Variants in MED13L observed in about 807,000 individuals in gnomAD.
MED13L encodes the protein mediator complex subunit 13L.
MED13L carries 7 observed loss-of-function variants against 220.9 expected under a neutral mutation model. The ratio of observed to expected loss-of-function variants is 0.03; its 90% CI spans 0.02 to 0.06. The LOEUF (loss-of-function observed/expected upper bound fraction) is 0.06, where lower values mean the gene tolerates loss of function less well. Among genes scored for constraint, MED13L ranks in the 10% least tolerant of loss-of-function variants. The pLI is 1.00. For missense variants in MED13L, 1,965 were observed against 2,760.5 expected (o/e 0.71, Z 6.46); for synonymous variants, 1,011 against 1,015.2 (o/e 1.00, Z 0.08).
chr12:116,076,227 T>C (rs183601426), intron 4 of MED13L, among the ~76,000 whole-genome samples: 1 of 152,136 alleles, frequency 6.6e-6, no homozygotes, highest in African/African-American at 2.4e-5. Context: ...GGGGACACAA[T>C]AAAATAATAC....
chr12:116,120,440 T>TTCTCTCTCTCTC (rs67306353), intron 2 of MED13L, among the ~76,000 whole-genome samples: 2 of 98,386 alleles, frequency 2.0e-5, no homozygotes, highest in African/African-American at 3.9e-5. Flanking sequence ...TAATCTCTCT[T>TTCTCTCTCTCTC]TCTCTCTCTC....
chr12:116,264,205 A>G (rs890863979), intron 1 of MED13L, among the ~76,000 whole-genome samples: 1 of 152,236 alleles, frequency 6.6e-6, no homozygotes, highest in Non-Finnish European at 1.5e-5. Context: ...GGGGCAGCCA[A>G]CTAAACTGTC....
intron 2 of MED13L, among the ~76,000 whole-genome samples, chr12:116,134,052 C>T (rs891710152): frequency 3.3e-5 from 5 of 152,148 alleles, no homozygotes; most frequent in Admixed American, 2.0e-4. Context: ...CCCTATTGTG[C>T]CCTGTCTTAA....
intron 4 of MED13L, among the ~76,000 whole-genome samples, chr12:116,058,402 A>G (rs1176159145): frequency 2.0e-5 from 3 of 152,108 alleles, no homozygotes; most frequent in African/African-American, 7.2e-5. Flanking sequence ...TATATTCTGA[A>G]GGTGCCTTTG....
At chr12:116,011,811 G>A (rs1289071530) in intron 9 of MED13L, among the ~76,000 whole-genome samples, 1 of 152,206 alleles carries the variant, frequency 6.6e-6, no homozygotes, top group African/African-American at 2.4e-5. Flanking sequence ...CCAAGGCAGA[G>A]CTCGATAAAG....
intron 4 of MED13L, among the ~76,000 whole-genome samples, chr12:116,062,548 C>T (rs138210773): frequency 0.013 from 1,776 of 133,060 alleles, 37 homozygotes; most frequent in African/African-American, 0.047. Context: ...TGTGCAGTGG[C>T]GCGATCTTGG....
intron 1 of MED13L, among the ~76,000 whole-genome samples, chr12:116,249,370 C>G (rs1326622258): frequency 6.6e-6 from 1 of 152,152 alleles, no homozygotes; most frequent in Non-Finnish European, 1.5e-5. Context: ...AGTAACTTAA[C>G]TACCAGCCAA....
At chr12:116,267,931 C>T (rs1872957238) in intron 1 of MED13L, among the ~76,000 whole-genome samples, 1 of 152,100 alleles carries the variant, frequency 6.6e-6, no homozygotes, top group African/African-American at 2.4e-5. Flanking sequence ...TAAAATATTA[C>T]CAAGCCACAG....
At position 116,037,497 on chromosome 12, in the gene MED13L, C is replaced by T. The variant is rs181936666; in HGVS notation, c.480-14896G>A. On this transcript the variant is annotated intron_variant, in intron 4 of 30. Transcript: ENST00000281928. ...CTGAAATCCGATGAAATCTGAAATC[C>T]AAAACGTTCTGATCCCAAGCATTTC... 1.0e-3 allele frequency among the ~76,000 whole-genome samples: 157 copies of T among 152,140 alleles called. No homozygotes were observed. The South Asian group carries it at 0.015, about 15-fold the overall frequency.
intron 2 of MED13L, among the ~76,000 whole-genome samples, chr12:116,147,617 A>T (rs931808877): frequency 1.3e-5 from 2 of 152,176 alleles, no homozygotes; most frequent in South Asian, 4.1e-4. Context: ...CGACTCTGCT[A>T]AAGACATCTT....
chr12:116,027,956 C>A (rs1021116951), intron 4 of MED13L, among the ~76,000 whole-genome samples: 1 of 152,124 alleles, frequency 6.6e-6, no homozygotes, highest in African/African-American at 2.4e-5. Context: ...TATCATATTT[C>A]TCTGATCTAG....
chr12:116,152,737 C>T (rs1312535371), intron 2 of MED13L, among the ~76,000 whole-genome samples: 3 of 151,870 alleles, frequency 2.0e-5, no homozygotes, highest in Admixed American at 6.6e-5. Context: ...TAAGAAAATG[C>T]CCTTATTTTT....
At chr12:116,007,663 A>G (rs1401980674) in intron 10 of MED13L, 27 bp from the exon 11 acceptor site, 1 of 1,555,840 alleles carries the variant, frequency 6.4e-7, no homozygotes, top group Non-Finnish European at 8.8e-7. Context: ...AAAAAAAAAA[A>G]AAGAGCATTT....
chr12:116,216,058 C>T (rs1046168033), intron 2 of MED13L, among the ~76,000 whole-genome samples: 1 of 152,194 alleles, frequency 6.6e-6, no homozygotes, highest in Non-Finnish European at 1.5e-5. Context: ...TCTCAACAGA[C>T]AAGCTGAAAT....
At position 116,034,393 on chromosome 12, in the gene MED13L, C is replaced by T. The variant is rs537529836; in HGVS notation, c.480-11792G>A. 7.2e-5 allele frequency among the ~76,000 whole-genome samples: 11 copies of T among 152,124 alleles called. No homozygotes were observed. In the South Asian group the frequency reaches 8.3e-4, roughly 12 times the overall value. On this transcript the variant is annotated intron_variant, in intron 4 of 30. Coordinates refer to ENST00000281928, the MANE Select transcript of MED13L (RefSeq NM_015335.5). ...GCCTAGAATTCTGAGTCATGAGGTG[C>T]GGAAGAACACAAATGTAAAGCTCTG...
At chr12:116,059,581 C>T (rs1043644021) in intron 4 of MED13L, among the ~76,000 whole-genome samples, 13 of 151,896 alleles carry the variant, frequency 8.6e-5, no homozygotes, top group African/African-American at 3.1e-4. Flanking sequence ...CCATGCCCAG[C>T]TAATTTTTGT....
chr12:116,045,229 T>C (rs775819614), intron 4 of MED13L, among the ~76,000 whole-genome samples: 2 of 152,236 alleles, frequency 1.3e-5, no homozygotes, highest in Non-Finnish European at 2.9e-5. Flanking sequence ...CTAAAATCCT[T>C]TTGAACACTG....
At chr12:115,969,777 G>C (rs1411550666) in intron 27 of MED13L, among the ~76,000 whole-genome samples, 1 of 152,078 alleles carries the variant, frequency 6.6e-6, no homozygotes, top group Non-Finnish European at 1.5e-5. Context: ...GCCTGCCTCA[G>C]CCTCCCAAAG....
At chr12:116,229,152 G>A (rs887035943) in intron 2 of MED13L, among the ~76,000 whole-genome samples, 3 of 152,128 alleles carry the variant, frequency 2.0e-5, no homozygotes, top group African/African-American at 7.2e-5. Context: ...CAAATGGTGA[G>A]GGGGGCATCA....
Sources: allele counts gnomAD v4.1 joint callset (sites outside exome capture counted in the v4.1 genomes callset), GRCh38; gene constraint gnomAD v4.1.1; transcripts MANE v1.5; gene names NCBI Gene and HGNC (gene_info 2026-07-23, HGNC 2026-07-21).